The following GATAD1 variants were observed in gnomAD, a reference collection of about 807,000 sequenced individuals.
The protein encoded by GATAD1 is GATA zinc finger domain containing 1, also known as GATA zinc finger domain-containing protein 1.
In GATAD1, 12 loss-of-function variants were observed where a neutral mutation model predicts 26.5. That is an observed-to-expected ratio of 0.45 (90% CI 0.29 to 0.73). The LOEUF is 0.73. GATAD1 is among the 30% of genes least tolerant of loss of function. The probability of loss-of-function intolerance (pLI) is 0.10; values close to 1 mark genes in which losing one functional copy is unlikely to be tolerated. For synonymous variants in GATAD1, 129 were observed against 133.1 expected, an observed-to-expected ratio of 0.97 and a Z score of 0.21; for missense variants, 266 against 342.1, an observed-to-expected ratio of 0.78 and a Z score of 1.75.
the GATAD1 span, among the ~76,000 whole-genome samples, chr7:92,479,080 T>C: frequency 6.6e-6 from 1 of 152,206 alleles, no homozygotes; most frequent in Admixed American, 6.5e-5. Context: ...TGGGGTTTCC[T>C]TCTCTCGGCT....
chr7:92,453,225 C>T (rs1388863374), intron 3 of GATAD1, among the ~76,000 whole-genome samples: 1 of 152,230 alleles, frequency 6.6e-6, no homozygotes, highest in Non-Finnish European at 1.5e-5. Context: ...TACCTGCTGC[C>T]AAGTCCCTGT....
Position 92,458,141 on chromosome 7 carries a change from GAAAAA to G in GATAD1, c.*1583_*1587del, listed in dbSNP as rs1221727154. 1 of 149,922 alleles carries G rather than the reference GAAAAA, an allele frequency of 6.7e-6. No individual in the cohort carries two copies. Among genetic ancestry groups the G allele is most frequent in the Non-Finnish European group, 1.5e-5 (1 of 67,682 alleles). 9.3% of individuals were successfully genotyped at this position (149,922 alleles called of 1,614,324 possible). On this transcript the variant is annotated 3_prime_UTR_variant, in exon 5 of 5. Coordinates refer to ENST00000287957, the MANE Select transcript of GATAD1 (RefSeq NM_021167.5). ...GATAGAGCAAGACTGTCTCAAAAAA[GAAAAA>G]AAAGAAAAAATTTTAATTTAATCCT...
chr7:92,448,061 C>G (rs1342484960), intron 1 of GATAD1, 83 bp downstream of exon 1: 4 of 1,057,990 alleles, frequency 3.8e-6, no homozygotes, highest in African/African-American at 1.7e-5. Flanking sequence ...AGCGGGCGGG[C>G]GCGGGCTTCC....
the GATAD1 span, among the ~76,000 whole-genome samples, chr7:92,484,395 A>G: frequency 3.9e-5 from 6 of 152,088 alleles, no homozygotes; most frequent in South Asian, 1.2e-3. Context: ...CAGTTGACGT[A>G]CCACCAAGGG....
At chr7:92,449,127 G>A in intron 2 of GATAD1, 1 of 1,167,202 alleles carries the variant, frequency 8.6e-7, no homozygotes, top group Non-Finnish European at 1.1e-6. Context: ...TAAAATATGG[G>A]TTTAAAAGAA....
At chr7:92,461,392 G>A (rs1789917328), downstream of GATAD1, 1 of 152,200 alleles carries the variant, frequency 6.6e-6, no homozygotes, top group South Asian at 2.1e-4. Flanking sequence ...TGTTCAGCAA[G>A]CTCCAACAAT....
At chr7:92,481,426 G>C in the GATAD1 span, among the ~76,000 whole-genome samples, 1 of 152,212 alleles carries the variant, frequency 6.6e-6, no homozygotes, top group Non-Finnish European at 1.5e-5. Flanking sequence ...GAGAGCTGTA[G>C]AGAGTGAGTT....
In GATAD1 at chr7:92,451,885, C is replaced by T. The variant is rs935244540; in HGVS notation, c.435+1125C>T. On this transcript the variant is annotated intron_variant, in intron 3 of 4. Coordinates refer to ENST00000287957, the MANE Select transcript of GATAD1 (RefSeq NM_021167.5). The stretch of plus-strand genomic sequence containing the variant: ...AACTTGTCCAAGATCACATAGCCAA[C>T]AAGTCATGGAGTGAGGCAGTCTCAT... 3.1e-4 allele frequency among the ~76,000 whole-genome samples: 47 copies of T among 152,322 alleles called. 1 individual carries two copies. Among genetic ancestry groups the T allele is most frequent in the East Asian group, 1.3e-3 (7 of 5,186 alleles).
the GATAD1 span, chr7:92,494,478 AATT>A: frequency 1.2e-6 from 2 of 1,613,294 alleles, no homozygotes; most frequent in Non-Finnish European, 1.7e-6. Flanking sequence ...CTGTATTTAT[AATT>A]ATTACCCTGT....
chr7:92,483,006 C>T, the GATAD1 span, among the ~76,000 whole-genome samples: 12 of 152,222 alleles, frequency 7.9e-5, no homozygotes, highest in East Asian at 1.2e-3. Flanking sequence ...GCTCAGTATC[C>T]GTGATGGTCC....
chr7:92,456,224 G>C, intron 4 of GATAD1, 148 bp from the exon 5 acceptor site: 1 of 527,114 alleles, frequency 1.9e-6, no homozygotes, highest in South Asian at 3.1e-5. Context: ...AAATGATTAA[G>C]AATAATTTCA....
At chr7:92,489,180 G>C in the GATAD1 span, 47,735 of 989,280 alleles carry the variant, frequency 0.048, 1,399 homozygotes, top group Middle Eastern at 0.094. Context: ...TTTTGAATTA[G>C]CTTTTAAATA....
chr7:92,491,759 C>T, the GATAD1 span: 1 of 452,786 alleles, frequency 2.2e-6, no homozygotes, highest in Non-Finnish European at 4.0e-6. Flanking sequence ...AGACTCAGAC[C>T]TCTGGGCTTT....
rs1168293438 is a variant in GATAD1, at chr7:92,459,668, G to A, written c.*3106G>A. ...ACTTTCCAGATTCCCATGCCTTTTT[G>A]GAATCAATCTCTATCCTATTGTCAT... On this transcript the variant is annotated 3_prime_UTR_variant, in exon 5 of 5. Coordinates refer to ENST00000287957, the MANE Select transcript of GATAD1 (RefSeq NM_021167.5). Among the ~76,000 whole-genome samples, 2 of 152,098 alleles carry A rather than the reference G, an allele frequency of 1.3e-5. No individual in the cohort carries two copies. The highest frequency in any genetic ancestry group is 2.9e-5 in the Non-Finnish European group (2 of 68,010).
chr7:92,484,935 G>A, the GATAD1 span, among the ~76,000 whole-genome samples: 6 of 151,328 alleles, frequency 4.0e-5, no homozygotes, highest in South Asian at 2.1e-4. Flanking sequence ...GGCTGAGTCC[G>A]AAAAAGGAGT....
At chr7:92,469,732 G>A in the GATAD1 span, 1 of 764,168 alleles carries the variant, frequency 1.3e-6, no homozygotes. Flanking sequence ...TACTAAAACG[G>A]AAGTGGTGTT....
chr7:92,468,965 CAAG>C, the GATAD1 span: 2 of 763,384 alleles, frequency 2.6e-6, no homozygotes, highest in Admixed American at 1.7e-5. Flanking sequence ...ACAAAGTTAA[CAAG>C]GAGGTTAAAG....
At chr7:92,493,054 C>T in the GATAD1 span, 1 of 1,612,026 alleles carries the variant, frequency 6.2e-7, no homozygotes, top group South Asian at 1.1e-5. Flanking sequence ...GTTACTGATG[C>T]TACATGCTGA....
the GATAD1 span, among the ~76,000 whole-genome samples, chr7:92,485,447 A>G: frequency 1.3e-5 from 2 of 152,216 alleles, no homozygotes; most frequent in African/African-American, 4.8e-5. Flanking sequence ...TCACCACAAT[A>G]TAGTCATGGC....
Sources: gnomAD v4.1 joint callset for allele counts (sites outside exome capture counted in the v4.1 genomes callset) on GRCh38, gnomAD v4.1.1 for gene constraint, MANE v1.5 for transcripts, NCBI Gene and HGNC (gene_info 2026-07-23, HGNC 2026-07-21) for gene names.